HEATR4: variants seen among roughly 807,000 people sequenced by gnomAD.
HEATR4 encodes the protein HEAT repeat containing 4, also known as HEAT repeat-containing protein 4.
A neutral mutation model predicts 108.8 loss-of-function variants in HEATR4; 95 were observed. That is an observed-to-expected ratio of 0.87 (90% CI 0.74 to 1.04). HEATR4 has a LOEUF of 1.04. Among genes scored for constraint, HEATR4 ranks in the 50% least tolerant of loss-of-function variants. HEATR4 has a pLI of 0.00. For missense variants in HEATR4, 1,152 were observed against 1,253.8 expected, an observed-to-expected ratio of 0.92 and a Z score of 1.23; for synonymous variants, 443 against 459.4, an observed-to-expected ratio of 0.96 and a Z score of 0.46.
intron 17 of HEATR4, among the ~76,000 whole-genome samples, chr14:73,479,515 C>T (rs1310600876): frequency 2.0e-5 from 3 of 148,700 alleles, no homozygotes; most frequent in African/African-American, 5.0e-5. Context: ...CTCGGCTCAC[C>T]GCAACCTCTG....
At chr14:73,584,787 C>A in the HEATR4 span, among the ~76,000 whole-genome samples, 1 of 148,764 alleles carries the variant, frequency 6.7e-6, no homozygotes, top group Non-Finnish European at 1.5e-5. Context: ...TTTTTTGAGA[C>A]CCTACCAGCC....
intron 17 of HEATR4, chr14:73,491,551 G>T: frequency 1.3e-6 from 2 of 1,535,220 alleles, no homozygotes; most frequent in South Asian, 1.2e-5. Context: ...CGGGTGGGGA[G>T]CCGGCCTGGG....
At chr14:73,488,839 A>G (rs1405292229) in intron 17 of HEATR4, among the ~76,000 whole-genome samples, 1 of 152,036 alleles carries the variant, frequency 6.6e-6, no homozygotes, top group Non-Finnish European at 1.5e-5. Context: ...CCTGACCAAC[A>G]TGGTGAAACC....
At chr14:73,493,575 T>G (rs2140252209) in intron 16 of HEATR4, among the ~76,000 whole-genome samples, 1 of 152,210 alleles carries the variant, frequency 6.6e-6, no homozygotes, top group Middle Eastern at 3.4e-3. Context: ...GCGGTACTCA[T>G]GCCTGTAATC....
At chr14:73,532,804 A>G (rs1888747739) in intron 1 of HEATR4, among the ~76,000 whole-genome samples, 1 of 112,762 alleles carries the variant, frequency 8.9e-6, no homozygotes, top group Non-Finnish European at 1.9e-5. Context: ...ACATACAAAA[A>G]AATTAGCCGG....
intron 16 of HEATR4, among the ~76,000 whole-genome samples, chr14:73,493,793 A>G (rs577729187): frequency 2.0e-5 from 3 of 152,332 alleles, no homozygotes; most frequent in South Asian, 4.1e-4. Flanking sequence ...AGCTGAGATC[A>G]TGCCACTGCA....
At position 73,492,782 on chromosome 14, in the gene HEATR4, C is replaced by T. The variant is rs1231140162; in HGVS notation, c.2844+284G>A. ...AGAACCCAAGTGCTTGGAAATATACCCCCAGCAAGCTGATGCCATGGAACT... is the reference window on the plus strand; with the variant it reads ...AGAACCCAAGTGCTTGGAAATATACTCCCAGCAAGCTGATGCCATGGAACT... On this transcript the variant is annotated intron_variant, in intron 17 of 17. Coordinates refer to ENST00000553558, the MANE Select transcript of HEATR4 (RefSeq NM_001220484.1). The surrounding 1 kb of genome is among the most constrained non-coding windows in gnomAD (Gnocchi z 4.9). 5 of 1,613,758 alleles carry T rather than the reference C, an allele frequency of 3.1e-6. No homozygotes were observed. The South Asian group carries it at 4.4e-5, about 14-fold the overall frequency.
At chr14:73,583,215 G>T in the HEATR4 span, among the ~76,000 whole-genome samples, 1 of 151,916 alleles carries the variant, frequency 6.6e-6, no homozygotes, top group South Asian at 2.1e-4. Context: ...GGTGGCATGT[G>T]CCTGTAGTCC....
At chr14:73,624,573 TCCAGCC>T in the HEATR4 span, among the ~76,000 whole-genome samples, 2 of 152,204 alleles carry the variant, frequency 1.3e-5, no homozygotes, top group African/African-American at 4.8e-5. Flanking sequence ...CTGCACTCCA[TCCAGCC>T]TGGGTGACAG....
At chr14:73,481,008 T>C in intron 17 of HEATR4, 1 of 141,570 alleles carries the variant, frequency 7.1e-6, no homozygotes, top group Non-Finnish European at 1.5e-5. Flanking sequence ...AGAGCAAGAC[T>C]CCATCTCAAA....
intron 14 of HEATR4, 100 bp downstream of exon 14, chr14:73,498,055 G>T: frequency 8.9e-7 from 1 of 1,121,548 alleles, no homozygotes; most frequent in Non-Finnish European, 1.3e-6. Flanking sequence ...TGCTTTTACT[G>T]CCATTAGGTA....
Position 73,509,362 on chromosome 14 carries a change from T to C in HEATR4, c.1670A>G (p.Gln557Arg). 6.2e-7 allele frequency: 1 copy of C among 1,614,130 alleles called. No individual in the cohort carries two copies. The highest frequency in any genetic ancestry group is 8.5e-7 in the Non-Finnish European group (1 of 1,180,026). Reference protein sequence around the residue: ...MAAAICQYAIQSHNPLARNIM... With the variant: ...MAAAICQYAIRSHNPLARNIM... ...GTTCCGGGCAAGGGGATTATGTGAC[T>C]GTATGGCATATTGGCATATTGCTGC... Residue 557 changes from glutamine to arginine, a missense_variant, in exon 8 of 18, where the codon CAG becomes CGG. Coordinates refer to ENST00000553558, the MANE Select transcript of HEATR4 (RefSeq NM_001220484.1).
At chr14:73,584,633 GC>G in the HEATR4 span, among the ~76,000 whole-genome samples, 1 of 147,736 alleles carries the variant, frequency 6.8e-6, no homozygotes. Flanking sequence ...CCTGTTGGGA[GC>G]CCCCAGCACT....
chr14:73,515,074 A>G (rs1403189965), intron 5 of HEATR4, among the ~76,000 whole-genome samples: 2 of 151,822 alleles, frequency 1.3e-5, no homozygotes, highest in Non-Finnish European at 2.9e-5. Context: ...TTCTCAAAAA[A>G]AAAAAACAAA....
chr14:73,612,973 G>A, the HEATR4 span: 1 of 1,176,300 alleles, frequency 8.5e-7, no homozygotes, highest in South Asian at 1.7e-5. Flanking sequence ...GGCCGGGGGT[G>A]CGGCGCGAGC....
At chr14:73,598,792 C>T in the HEATR4 span, among the ~76,000 whole-genome samples, 2 of 152,090 alleles carry the variant, frequency 1.3e-5, no homozygotes, top group Admixed American at 1.3e-4. Context: ...CACCTGAGGT[C>T]GGGAGTTCGA....
chr14:73,630,327 TTATTC>T, the HEATR4 span, among the ~76,000 whole-genome samples: 2 of 152,244 alleles, frequency 1.3e-5, no homozygotes, highest in African/African-American at 2.4e-5. Flanking sequence ...AGCATAAACA[TTATTC>T]TATAAAGTCC....
At chr14:73,510,539 G>A (rs917118954) in intron 7 of HEATR4, among the ~76,000 whole-genome samples, 1 of 151,906 alleles carries the variant, frequency 6.6e-6, no homozygotes, top group Non-Finnish European at 1.5e-5. Flanking sequence ...GGGTTCAGGC[G>A]ATTCTTCTGC....
chr14:73,599,716 G>A, the HEATR4 span, among the ~76,000 whole-genome samples: 1 of 152,136 alleles, frequency 6.6e-6, no homozygotes, highest in Non-Finnish European at 1.5e-5. Flanking sequence ...ATGCTCTATT[G>A]AACAAGGCAG....
Sources: allele counts gnomAD v4.1 joint callset (sites outside exome capture counted in the v4.1 genomes callset), GRCh38; gene constraint gnomAD v4.1.1; non-coding constraint Gnocchi (gnomAD v3.1); transcripts MANE v1.5; gene names NCBI Gene and HGNC (gene_info 2026-07-23, HGNC 2026-07-21).